The following KAT6B variants were observed in gnomAD, a reference collection of about 807,000 sequenced individuals.
The protein encoded by KAT6B is histone acetyltransferase KAT6B.
KAT6B carries 10 observed loss-of-function variants against 187.5 expected under a neutral mutation model. The observed-to-expected ratio is 0.05, with a 90% CI of 0.03 to 0.09. The LOEUF is 0.09. KAT6B is among the 10% of genes least tolerant of loss of function. The pLI is 1.00. For synonymous variants in KAT6B, 861 were observed against 926.8 expected, an observed-to-expected ratio of 0.93 and a Z score of 1.29; for missense variants, 1,952 against 2,558.9, an observed-to-expected ratio of 0.76 and a Z score of 5.12.
intron 3 of KAT6B, among the ~76,000 whole-genome samples, chr10:74,939,085 C>A (rs1211490454): frequency 2.0e-5 from 3 of 147,414 alleles, no homozygotes; most frequent in African/African-American, 7.6e-5. Context: ...ACACCAGTCC[C>A]CTTGTATTCA....
chr10:74,967,927 G>A (rs1841586195), intron 4 of KAT6B, among the ~76,000 whole-genome samples: 1 of 152,186 alleles, frequency 6.6e-6, no homozygotes, highest in Admixed American at 6.5e-5. Flanking sequence ...AATTCAGTGC[G>A]TGAAATTGAG....
chr10:74,831,150 T>C (rs960978711), intron 1 of KAT6B, among the ~76,000 whole-genome samples: 6 of 152,304 alleles, frequency 3.9e-5, no homozygotes, highest in African/African-American at 1.4e-4. Context: ...TGTTCAAGTC[T>C]TTCCCACCCT....
chr10:74,996,944 A>T (rs1425179671), intron 13 of KAT6B, among the ~76,000 whole-genome samples: 4 of 152,158 alleles, frequency 2.6e-5, no homozygotes, highest in African/African-American at 4.8e-5. Flanking sequence ...TAAAGCAAAC[A>T]TAATGAGAAA....
chr10:74,976,402 C>T lies in KAT6B; in HGVS notation c.1993+72C>T, dbSNP rs185359293. On this transcript the variant is annotated intron_variant, in intron 8 of 17. Coordinates refer to ENST00000287239, the MANE Select transcript of KAT6B (RefSeq NM_012330.4). ...TCTCCCCAACCCTGAAAAAAATCAA[C>T]CAATCAATTCCTATTTGTCACATAG... 7 of 1,197,724 alleles carry T rather than the reference C, an allele frequency of 5.8e-6. No homozygotes were observed. In the East Asian group the frequency reaches 1.4e-4, roughly 24 times the overall value. The allele number at this position is 1,197,724 out of a possible 1,614,324, so 74.2% of individuals were successfully genotyped here. A position where few individuals can be genotyped will look rare whatever the true frequency, so the allele number is the denominator to read the frequency against.
At chr10:74,905,088 G>A (rs968322771) in intron 3 of KAT6B, among the ~76,000 whole-genome samples, 1 of 152,166 alleles carries the variant, frequency 6.6e-6, no homozygotes. Flanking sequence ...CTCTCAATAT[G>A]ATGATGTCCA....
intron 3 of KAT6B, among the ~76,000 whole-genome samples, chr10:74,861,462 G>C (rs1843182521): frequency 6.6e-6 from 1 of 152,180 alleles, no homozygotes. Flanking sequence ...ACTACTTCAA[G>C]TGCTTTGTGT....
chr10:74,986,803 T>C (rs1842833846), intron 12 of KAT6B, among the ~76,000 whole-genome samples: 1 of 152,258 alleles, frequency 6.6e-6, no homozygotes, highest in Non-Finnish European at 1.5e-5. Flanking sequence ...GGTTGCGTCC[T>C]TGCTGTTAGA....
chr10:74,837,394 T>C (rs1424450665), intron 1 of KAT6B, among the ~76,000 whole-genome samples: 1 of 152,234 alleles, frequency 6.6e-6, no homozygotes, highest in Non-Finnish European at 1.5e-5. Context: ...GATGATTTGC[T>C]ACCTTTTTGA....
At chr10:74,967,424 T>G (rs1841558554) in intron 4 of KAT6B, among the ~76,000 whole-genome samples, 1 of 152,248 alleles carries the variant, frequency 6.6e-6, no homozygotes, top group Non-Finnish European at 1.5e-5. Flanking sequence ...GTAGCATTGC[T>G]TTCCTTTATC....
At chr10:74,846,317 T>G (rs1842096168) in intron 3 of KAT6B, among the ~76,000 whole-genome samples, 1 of 152,242 alleles carries the variant, frequency 6.6e-6, no homozygotes, top group African/African-American at 2.4e-5. Context: ...ATTTTCTTCT[T>G]AATAACATTT....
chr10:75,001,588 C>T (rs1046517127), intron 13 of KAT6B, among the ~76,000 whole-genome samples: 15 of 152,124 alleles, frequency 9.9e-5, no homozygotes, highest in Non-Finnish European at 1.6e-4. Flanking sequence ...CATAGTAGTT[C>T]AGGTTGCCAG....
At chr10:74,965,183 C>T (rs146271795) in intron 4 of KAT6B, among the ~76,000 whole-genome samples, 1 of 152,328 alleles carries the variant, frequency 6.6e-6, no homozygotes, top group Non-Finnish European at 1.5e-5. Flanking sequence ...ACATTGGTTA[C>T]ATTGAACAAC....
intron 4 of KAT6B, among the ~76,000 whole-genome samples, chr10:74,966,677 A>G (rs1841495429): frequency 6.6e-6 from 1 of 152,226 alleles, no homozygotes; most frequent in Non-Finnish European, 1.5e-5. Flanking sequence ...CAATAGTAAA[A>G]CAAACTCCAG....
At chr10:75,001,410 G>A (rs1000425997) in intron 13 of KAT6B, among the ~76,000 whole-genome samples, 7 of 152,282 alleles carry the variant, frequency 4.6e-5, no homozygotes, top group Non-Finnish European at 7.3e-5. Context: ...TCCATAAAGC[G>A]AATTAGGAAG....
chr10:74,983,829 A>G (rs1159572280), intron 11 of KAT6B: 1 of 152,208 alleles, frequency 6.6e-6, no homozygotes, highest in African/African-American at 2.4e-5. Flanking sequence ...CCTATTCTAG[A>G]ATCTGAGTTA....
rs538083568 is a variant in KAT6B at position 74,977,806 on chromosome 10, G to A, written c.2115+369G>A. On this transcript the variant is annotated intron_variant, in intron 9 of 17. Transcript: ENST00000287239. ...GAAGAACATCACTGTTAAATTCACC[G>A]ATGTTTCTTCCAACACAGATGGCCA... is the stretch of plus-strand genomic sequence containing the variant. 1.1e-4 allele frequency among the ~76,000 whole-genome samples: 16 copies of A among 152,232 alleles called. No homozygotes were observed. The South Asian group carries it at 1.2e-3, about 12-fold the overall frequency.
At chr10:74,908,795 C>T (rs1564556654) in intron 3 of KAT6B, among the ~76,000 whole-genome samples, 1 of 152,018 alleles carries the variant, frequency 6.6e-6, no homozygotes, top group Non-Finnish European at 1.5e-5. Context: ...ATAAGTTCTT[C>T]GTTCCTTTTT....
intron 1 of KAT6B, among the ~76,000 whole-genome samples, chr10:74,838,322 T>C (rs1400442405): frequency 6.6e-6 from 1 of 152,218 alleles, no homozygotes; most frequent in African/African-American, 2.4e-5. Flanking sequence ...CTGATAAATG[T>C]TATATCTGTT....
rs539451992 is a variant in KAT6B at position 74,890,468 on chromosome 10, G to A, written c.621+46990G>A. Reference sequence around the variant, plus strand: ...AGCCTGGCCAACAATGCAAAATCCCGTCCGTACTAATAATATAAAAAATTA... The same window carrying A: ...AGCCTGGCCAACAATGCAAAATCCCATCCGTACTAATAATATAAAAAATTA... On this transcript the variant is annotated intron_variant, in intron 3 of 17. Coordinates refer to ENST00000287239, the MANE Select transcript of KAT6B (RefSeq NM_012330.4). 3.5e-4 allele frequency among the ~76,000 whole-genome samples: 53 copies of A among 152,052 alleles called. No homozygotes were observed. In the South Asian group the frequency reaches 9.3e-3, roughly 27 times the overall value.
Sources: allele counts gnomAD v4.1 joint callset (sites outside exome capture counted in the v4.1 genomes callset), GRCh38; gene constraint gnomAD v4.1.1; transcripts MANE v1.5; gene names NCBI Gene and HGNC (gene_info 2026-07-23, HGNC 2026-07-21).